Variants in UNC13C observed in about 807,000 individuals in gnomAD.
UNC13C encodes the protein protein unc-13 homolog C.
Under a neutral mutation model 245.4 loss-of-function variants are expected in UNC13C, and 174 were observed. The ratio of observed to expected loss-of-function variants is 0.71; its 90% CI spans 0.63 to 0.80. The LOEUF (loss-of-function observed/expected upper bound fraction) is 0.80, where lower values mean the gene tolerates loss of function less well. Among genes scored for constraint, UNC13C ranks in the 30% least tolerant of loss-of-function variants. The pLI is 0.00. For synonymous variants in UNC13C, 992 were observed against 895.1 expected (o/e 1.11, Z -1.93); for missense variants, 2,829 against 2,602.9 (o/e 1.09, Z -1.89).
intron 4 of UNC13C, among the ~76,000 whole-genome samples, chr15:54,161,033 C>G (rs577316942): frequency 6.6e-6 from 1 of 152,234 alleles, no homozygotes; most frequent in East Asian, 1.9e-4. Flanking sequence ...CATAATTAAA[C>G]AAAAGAGCTC....
chr15:54,372,937 T>C (rs1407543106), intron 17 of UNC13C, among the ~76,000 whole-genome samples: 1 of 152,304 alleles, frequency 6.6e-6, no homozygotes. Context: ...GCTTATGAAC[T>C]ATGGTACTGG....
chr15:54,502,479 A>T (rs112164072), intron 22 of UNC13C, among the ~76,000 whole-genome samples: 5 of 152,130 alleles, frequency 3.3e-5, no homozygotes, highest in African/African-American at 4.8e-5. Flanking sequence ...TATTTAAACC[A>T]TTCTTAGAGA....
chr15:54,020,262 A>C (rs1326179074), intron 2 of UNC13C, among the ~76,000 whole-genome samples: 6 of 149,706 alleles, frequency 4.0e-5, no homozygotes, highest in African/African-American at 1.5e-4. Context: ...AATATTAATA[A>C]TTTTTTTCTT....
chr15:53,893,049 G>C, the UNC13C span, among the ~76,000 whole-genome samples: 3 of 151,976 alleles, frequency 2.0e-5, no homozygotes, highest in African/African-American at 7.3e-5. Flanking sequence ...CTTCAGATGG[G>C]GTCTTTGAGT....
In UNC13C at chr15:54,494,613, G is replaced by A. The variant is rs1413887116; in HGVS notation, c.4939G>A (p.Glu1647Lys). The A allele has an allele frequency of 1.9e-6, 3 of 1,606,574 alleles. No homozygotes were observed. Among genetic ancestry groups the A allele is most frequent in the Admixed American group, 1.7e-5 (1 of 58,814 alleles). Reference protein sequence around the residue: ...LDMKYALEEHENQRLCKSTDY... With the variant: ...LDMKYALEEHKNQRLCKSTDY... ...TTTAATTTTATCTGTTATAGAACAT[G>A]AAAATCAGCGGTTATGCAAGAGCAC... The change falls in exon 20 of 33, where the codon GAA becomes AAA. Residue 1647 changes from glutamate to lysine, a missense_variant. Physicochemically the swap from Glu to Lys is moderately conservative, Grantham distance 56. Transcript: ENST00000260323.
At chr15:54,286,136 C>T (rs2037143366) in intron 10 of UNC13C, among the ~76,000 whole-genome samples, 1 of 152,170 alleles carries the variant, frequency 6.6e-6, no homozygotes, top group Non-Finnish European at 1.5e-5. Flanking sequence ...CCACTTCAGC[C>T]TCCCAAAGTG....
chr15:54,290,294 T>A (rs1219062111), intron 10 of UNC13C, among the ~76,000 whole-genome samples: 2 of 152,086 alleles, frequency 1.3e-5, no homozygotes, highest in Non-Finnish European at 2.9e-5. Flanking sequence ...ATTAGTAATG[T>A]GACAGGTTAA....
At chr15:54,569,556 C>T (rs1897661122) in intron 30 of UNC13C, among the ~76,000 whole-genome samples, 1 of 150,254 alleles carries the variant, frequency 6.7e-6, no homozygotes, top group Non-Finnish European at 1.5e-5. Context: ...CAAGGGCCGA[C>T]TGTGTGTGTG....
At chr15:54,587,356 TG>T (rs1898548022) in intron 30 of UNC13C, among the ~76,000 whole-genome samples, 1 of 152,206 alleles carries the variant, frequency 6.6e-6, no homozygotes, top group African/African-American at 2.4e-5. Context: ...TCTTCATATG[TG>T]CTCAGAGTCT....
intron 2 of UNC13C, among the ~76,000 whole-genome samples, chr15:54,112,284 G>A (rs1900819042): frequency 6.6e-6 from 1 of 152,156 alleles, no homozygotes; most frequent in Non-Finnish European, 1.5e-5. Flanking sequence ...AAAGAGAAAA[G>A]AGAGTAGCTC....
intron 23 of UNC13C, among the ~76,000 whole-genome samples, chr15:54,509,002 C>T (rs149569630): frequency 0.021 from 3,144 of 152,220 alleles, 103 homozygotes; most frequent in African/African-American, 0.073. Flanking sequence ...GAGTTCAAGA[C>T]CAGCCTGGCC....
chr15:54,090,513 A>C (rs1157844077), intron 2 of UNC13C, among the ~76,000 whole-genome samples: 1 of 152,208 alleles, frequency 6.6e-6, no homozygotes, highest in East Asian at 1.9e-4. Flanking sequence ...AGAAAAGTTA[A>C]GTGACTACTT....
chr15:54,095,023 AC>A (rs1039922158), intron 2 of UNC13C, among the ~76,000 whole-genome samples: 3 of 151,990 alleles, frequency 2.0e-5, no homozygotes, highest in African/African-American at 7.3e-5. Flanking sequence ...ATCTAAGACA[AC>A]CCCACACAGA....
intron 18 of UNC13C, among the ~76,000 whole-genome samples, chr15:54,407,263 G>A (rs937688219): frequency 2.0e-5 from 3 of 152,040 alleles, no homozygotes; most frequent in Non-Finnish European, 2.9e-5. Context: ...GGCAAATGAA[G>A]GTAACGACTT....
rs945746876 is a variant in UNC13C at position 54,388,856 on chromosome 15, C to A, written c.4714-4192C>A. 2.6e-5 allele frequency among the ~76,000 whole-genome samples: 4 copies of A among 152,060 alleles called. No individual in the cohort carries two copies. In the South Asian group the frequency reaches 8.3e-4, roughly 32 times the overall value. The stretch of plus-strand genomic sequence containing the variant: ...TTTTTTTGATCTACATCAACATGTT[C>A]AGAATGCTTTTGAAACTTCAGATAG... On this transcript the variant is annotated intron_variant, in intron 17 of 32. Transcript: ENST00000260323.
At chr15:54,382,920 A>G (rs2039758304) in intron 17 of UNC13C, among the ~76,000 whole-genome samples, 1 of 152,188 alleles carries the variant, frequency 6.6e-6, no homozygotes, top group African/African-American at 2.4e-5. Context: ...ATTAACAACT[A>G]TACACTAACC....
chr15:54,058,176 GT>G lies in UNC13C; in HGVS notation c.2983+42297del, dbSNP rs1007359944. On this transcript the variant is annotated intron_variant, in intron 2 of 32. Transcript: ENST00000260323. Reference sequence around the variant, plus strand: ...CAAAAAATCAATGAATCCAGGAGCTGTTTTTTTGAAAAGATCAACAAAACTG... The same window carrying G: ...CAAAAAATCAATGAATCCAGGAGCTGTTTTTTGAAAAGATCAACAAAACTG... 1.1e-4 allele frequency among the ~76,000 whole-genome samples: 16 copies of G among 152,114 alleles called. No homozygotes were observed. In the South Asian group the frequency reaches 3.1e-3, roughly 30 times the overall value.
At chr15:54,019,536 T>C (rs1895804485) in intron 2 of UNC13C, among the ~76,000 whole-genome samples, 1 of 152,184 alleles carries the variant, frequency 6.6e-6, no homozygotes, top group Admixed American at 6.5e-5. Flanking sequence ...GATGTTGTAT[T>C]TGCAGTCTGA....
intron 2 of UNC13C, among the ~76,000 whole-genome samples, chr15:54,081,646 C>T (rs1040204790): frequency 6.6e-6 from 1 of 151,490 alleles, no homozygotes; most frequent in African/African-American, 2.4e-5. Context: ...CATGAGAGAT[C>T]TTTCTTCATC....
Sources: gnomAD v4.1 joint callset for allele counts (sites outside exome capture counted in the v4.1 genomes callset) on GRCh38, gnomAD v4.1.1 for gene constraint, MANE v1.5 for transcripts, NCBI Gene and HGNC (gene_info 2026-07-23, HGNC 2026-07-21) for gene names.